Variants in TMEM163 observed in about 807,000 individuals in gnomAD.
The protein encoded by TMEM163 is transmembrane protein 163.
TMEM163 carries 17 observed loss-of-function variants against 29.3 expected under a neutral mutation model. The ratio of observed to expected loss-of-function variants is 0.58; its 90% CI spans 0.40 to 0.87. The LOEUF is 0.87. TMEM163 is among the 40% of genes least tolerant of loss of function. The pLI, the probability that TMEM163 is intolerant of heterozygous loss-of-function variation, is 0.00. For synonymous variants in TMEM163, 157 were observed against 160.6 expected (o/e 0.98, Z 0.17); for missense variants, 303 against 381.5 (o/e 0.79, Z 1.71).
chr2:134,535,122 G>A (rs1017992680), intron 4 of TMEM163, among the ~76,000 whole-genome samples: 1 of 152,182 alleles, frequency 6.6e-6, no homozygotes, highest in African/African-American at 2.4e-5. Flanking sequence ...TAGAAACATG[G>A]TTTTTCCATA....
At chr2:134,523,916 T>C (rs949445972) in intron 4 of TMEM163, among the ~76,000 whole-genome samples, 4 of 152,122 alleles carry the variant, frequency 2.6e-5, no homozygotes, top group African/African-American at 9.7e-5. Flanking sequence ...GTGGGTGGAG[T>C]GTTGACAGCA....
chr2:134,510,945 T>C (rs1679932710), intron 4 of TMEM163, among the ~76,000 whole-genome samples: 1 of 152,154 alleles, frequency 6.6e-6, no homozygotes, highest in Non-Finnish European at 1.5e-5. Context: ...CAATGTACAC[T>C]GCACAGGGAA....
intron 4 of TMEM163, among the ~76,000 whole-genome samples, chr2:134,529,251 C>T (rs1366447664): frequency 1.3e-5 from 2 of 152,174 alleles, no homozygotes; most frequent in East Asian, 1.9e-4. Context: ...GGATCACTTG[C>T]GCCCATGAGG....
intron 2 of TMEM163, among the ~76,000 whole-genome samples, chr2:134,697,463 ATTTT>A (rs3039626): frequency 3.0e-5 from 4 of 133,746 alleles, no homozygotes; most frequent in African/African-American, 2.9e-5. Context: ...TTTCTTCTCA[ATTTT>A]TTTTTTTTTT....
chr2:134,558,574 A>G (rs1186334527), intron 2 of TMEM163, among the ~76,000 whole-genome samples: 1 of 152,228 alleles, frequency 6.6e-6, no homozygotes, highest in African/African-American at 2.4e-5. Context: ...TAAATCGTGC[A>G]GCTGAATCAG....
chr2:134,464,140 C>T (rs1417466409), intron 6 of TMEM163, among the ~76,000 whole-genome samples: 1 of 152,232 alleles, frequency 6.6e-6, no homozygotes, highest in Non-Finnish European at 1.5e-5. Flanking sequence ...TGGCATCTCA[C>T]AAGGGCAGAA....
At chr2:134,617,206 A>C (rs1682625814) in intron 2 of TMEM163, among the ~76,000 whole-genome samples, 1 of 152,154 alleles carries the variant, frequency 6.6e-6, no homozygotes. Context: ...CAGTTTCTAT[A>C]TTTTTCTCAG....
intron 2 of TMEM163, among the ~76,000 whole-genome samples, chr2:134,584,587 G>GT (rs1558953696): frequency 6.7e-6 from 1 of 149,766 alleles, no homozygotes; most frequent in Non-Finnish European, 1.5e-5. Flanking sequence ...ACCCAGAAAC[G>GT]TAAGTTTCTT....
chr2:134,622,650 TAAGTC>T (rs1682765500), intron 2 of TMEM163, among the ~76,000 whole-genome samples: 1 of 152,210 alleles, frequency 6.6e-6, no homozygotes, highest in African/African-American at 2.4e-5. Context: ...TGATTTCAAT[TAAGTC>T]AAGTTGTTTT....
chr2:134,603,309 T>C (rs1308889893), intron 2 of TMEM163, among the ~76,000 whole-genome samples: 3 of 152,234 alleles, frequency 2.0e-5, no homozygotes, highest in African/African-American at 7.2e-5. Context: ...TATTTTAAAA[T>C]GCAAAGGGAT....
intron 4 of TMEM163, among the ~76,000 whole-genome samples, chr2:134,503,575 G>A (rs759561484): frequency 2.0e-5 from 3 of 152,328 alleles, no homozygotes; most frequent in East Asian, 1.9e-4. Flanking sequence ...TGGATATGAC[G>A]TTGATAGACC....
chr2:134,713,447 C>T, intron 1 of TMEM163, 128 bp from the exon 2 acceptor site: 2 of 1,335,942 alleles, frequency 1.5e-6, no homozygotes, highest in Non-Finnish European at 2.1e-6. Flanking sequence ...TTGTTTGGCC[C>T]ACACTGTGTT....
intron 4 of TMEM163, among the ~76,000 whole-genome samples, chr2:134,507,831 T>C (rs1029451148): frequency 2.0e-5 from 3 of 152,242 alleles, no homozygotes; most frequent in South Asian, 4.2e-4. Flanking sequence ...CACTGCAGTC[T>C]GGGTGATGGA....
chr2:134,693,632 C>T (rs2104885570), intron 2 of TMEM163, among the ~76,000 whole-genome samples: 1 of 146,044 alleles, frequency 6.8e-6, no homozygotes, highest in South Asian at 2.2e-4. Flanking sequence ...AAAAAAAAAC[C>T]TGAAACTGAG....
At chr2:134,534,043 T>C (rs1680475039) in intron 4 of TMEM163, among the ~76,000 whole-genome samples, 1 of 152,186 alleles carries the variant, frequency 6.6e-6, no homozygotes, top group African/African-American at 2.4e-5. Flanking sequence ...GCCTACTCTC[T>C]GCAGTCACTT....
chr2:134,464,168 C>CTGG (rs1284831751), intron 6 of TMEM163, among the ~76,000 whole-genome samples: 3 of 152,214 alleles, frequency 2.0e-5, no homozygotes, highest in Non-Finnish European at 4.4e-5. Flanking sequence ...GCAGGCCCTG[C>CTGG]TGGTCGGGGC....
intron 4 of TMEM163, among the ~76,000 whole-genome samples, chr2:134,530,304 C>T (rs1367370567): frequency 1.3e-5 from 2 of 152,174 alleles, no homozygotes; most frequent in African/African-American, 2.4e-5. Context: ...CACGGTCTCA[C>T]TCTGTTGCCC....
chr2:134,457,692 C>T (rs546745137), intron 7 of TMEM163, among the ~76,000 whole-genome samples: 30 of 152,314 alleles, frequency 2.0e-4, no homozygotes, highest in African/African-American at 1.9e-4. Context: ...GAGGAAACCA[C>T]GCAAAGGTGC....
chr2:134,498,997 G>A (rs1398961853), intron 5 of TMEM163, among the ~76,000 whole-genome samples: 1 of 152,210 alleles, frequency 6.6e-6, no homozygotes, highest in Non-Finnish European at 1.5e-5. Flanking sequence ...CAGAGCCCCT[G>A]GGTCCTCGAG....
Sources: gnomAD v4.1 joint callset for allele counts (sites outside exome capture counted in the v4.1 genomes callset) on GRCh38, gnomAD v4.1.1 for gene constraint, MANE v1.5 for transcripts, NCBI Gene and HGNC (gene_info 2026-07-23, HGNC 2026-07-21) for gene names.